PXDNL: variants seen among roughly 807,000 people sequenced by gnomAD.
The protein encoded by PXDNL is peroxidasin like.
A neutral mutation model predicts 150.8 loss-of-function variants in PXDNL; 145 were observed. The observed-to-expected ratio is 0.96, with a 90% CI of 0.84 to 1.10. PXDNL has a LOEUF of 1.10. Among genes scored for constraint, PXDNL ranks in the 50% least tolerant of loss-of-function variants. The probability of loss-of-function intolerance (pLI) is 0.00; values close to 1 mark genes in which losing one functional copy is unlikely to be tolerated. For missense variants in PXDNL, 2,087 were observed against 1,873.9 expected, an observed-to-expected ratio of 1.11 and a Z score of -2.10; for synonymous variants, 757 against 725.7, an observed-to-expected ratio of 1.04 and a Z score of -0.69.
At chr8:51,578,348 A>G (rs1368462208) in intron 3 of PXDNL, among the ~76,000 whole-genome samples, 1 of 151,928 alleles carries the variant, frequency 6.6e-6, no homozygotes, top group Non-Finnish European at 1.5e-5. Context: ...AAATGTCAAC[A>G]CTGAAATTAT....
chr8:51,409,584 C>G lies in PXDNL; in HGVS notation c.2063-23G>C, dbSNP rs1306705134. 7 of 1,523,750 alleles carry G rather than the reference C, an allele frequency of 4.6e-6. No homozygotes were observed. In the South Asian group the frequency reaches 5.0e-5, roughly 11 times the overall value. 94.4% of individuals were successfully genotyped at this position (1,523,750 alleles called of 1,614,324 possible). A position where few individuals can be genotyped will look rare whatever the true frequency, so the allele number is the denominator to read the frequency against. ...ATTCTGAAAGGCAAGCGGCGAAAGC[C>G]GTGAGGAGGGCGGGCCTGGGAGGGC... On this transcript the variant is annotated intron_variant, in intron 16 of 22. Coordinates refer to ENST00000356297, the MANE Select transcript of PXDNL (RefSeq NM_144651.5).
chr8:51,540,292 T>C (rs968901993), intron 4 of PXDNL, among the ~76,000 whole-genome samples: 1 of 152,174 alleles, frequency 6.6e-6, no homozygotes, highest in Non-Finnish European at 1.5e-5. Context: ...CCATTTTTTG[T>C]CCTGATTCTT....
chr8:51,457,724 TAAC>T, intron 8 of PXDNL, 57 bp from the exon 9 acceptor site: 1 of 1,382,138 alleles, frequency 7.2e-7, no homozygotes, highest in East Asian at 2.3e-5. Flanking sequence ...TTAAAACTCT[TAAC>T]AAGACTGAGA....
At chr8:51,555,101 A>T (rs76512263) in intron 4 of PXDNL, among the ~76,000 whole-genome samples, 3,425 of 152,266 alleles carry the variant, frequency 0.022, 60 homozygotes, top group African/African-American at 0.048. Context: ...TTCATAATGA[A>T]CAGAAATTCG....
At chr8:51,430,214 G>A (rs895105386) in intron 12 of PXDNL, among the ~76,000 whole-genome samples, 3 of 152,174 alleles carry the variant, frequency 2.0e-5, no homozygotes, top group Admixed American at 1.3e-4. Context: ...CTATGCCCTT[G>A]CATCTCCTCA....
intron 1 of PXDNL, among the ~76,000 whole-genome samples, chr8:51,722,846 G>A (rs1293743509): frequency 1.3e-5 from 2 of 151,966 alleles, no homozygotes. Flanking sequence ...TTCTATTTTA[G>A]GGAGCAAAAA....
At chr8:51,625,946 A>G (rs1814353360) in intron 2 of PXDNL, among the ~76,000 whole-genome samples, 1 of 152,206 alleles carries the variant, frequency 6.6e-6, no homozygotes, top group African/African-American at 2.4e-5. Flanking sequence ...AGCCTTCTCA[A>G]AATAATGAGC....
intron 12 of PXDNL, among the ~76,000 whole-genome samples, chr8:51,445,393 T>C (rs1809651806): frequency 6.6e-6 from 1 of 152,222 alleles, no homozygotes; most frequent in South Asian, 2.1e-4. Context: ...TAGGGCTCTT[T>C]GTTCTCTAAA....
In PXDNL at chr8:51,483,691, G is replaced by T. The variant is rs1810657302; in HGVS notation, c.476C>A (p.Ser159Tyr). Reference protein sequence around the residue: ...ERLFLHNNKLSKIPAGSFSNL... With the variant: ...ERLFLHNNKLYKIPAGSFSNL... ...AGAAAAGCTCCCAGCTGGAATTTTA[G>T]ATAATTTGTTGTTATGCAAAAATCT... Residue 159 changes from serine to tyrosine, a missense_variant, in exon 6 of 23, where the codon TCT becomes TAT. Ser to Tyr is a moderately radical substitution (Grantham distance 144, BLOSUM62 -2). Transcript: ENST00000356297. The T allele has an allele frequency of 1.3e-6, 2 of 1,514,652 alleles. No individual in the cohort carries two copies. The highest frequency in any genetic ancestry group is 4.9e-5 in the East Asian group (2 of 40,630). 93.8% of individuals were successfully genotyped at this position (1,514,652 alleles called of 1,614,324 possible). A position where few individuals can be genotyped will look rare whatever the true frequency, so the allele number is the denominator to read the frequency against.
chr8:51,757,584 C>T (rs1411846237), intron 1 of PXDNL, among the ~76,000 whole-genome samples: 1 of 152,108 alleles, frequency 6.6e-6, no homozygotes, highest in African/African-American at 2.4e-5. Flanking sequence ...TGGGATATGA[C>T]GAGAAAAATT....
intron 1 of PXDNL, among the ~76,000 whole-genome samples, chr8:51,807,214 T>G (rs1563326959): frequency 6.6e-6 from 1 of 152,180 alleles, no homozygotes; most frequent in Non-Finnish European, 1.5e-5. Context: ...ACAGCAACTT[T>G]TGCTTGGCTT....
At chr8:51,468,060 T>C (rs1019024877) in intron 8 of PXDNL, among the ~76,000 whole-genome samples, 4 of 152,060 alleles carry the variant, frequency 2.6e-5, no homozygotes, top group Admixed American at 2.6e-4. Context: ...TTCTTGGCTA[T>C]GAGTTGAGAT....
intron 17 of PXDNL, among the ~76,000 whole-genome samples, chr8:51,386,368 G>A (rs1807711915): frequency 6.6e-6 from 1 of 152,128 alleles, no homozygotes; most frequent in African/African-American, 2.4e-5. Context: ...TGGGATTACA[G>A]GCGTGAGCCA....
chr8:51,371,897 G>T lies in PXDNL; in HGVS notation c.3877C>A (p.Arg1293=), dbSNP rs375916936. 9 of 1,613,760 alleles carry T rather than the reference G, an allele frequency of 5.6e-6. No individual in the cohort carries two copies. The highest frequency in any genetic ancestry group is 1.1e-5 in the South Asian group (1 of 91,036). Residue 1293 remains arginine, a synonymous_variant, in exon 19 of 23, where the codon CGA becomes AGA. Coordinates refer to ENST00000356297, the MANE Select transcript of PXDNL (RefSeq NM_144651.5). ...CCTGCACAGCAGTCTTGCCACACTC[G>T]CAGGTCCACCTTCGGGATCTCGCTG... ...NCSEIPKVDL[R]VWQDCCADCR...
At chr8:51,432,929 CAGGCGCAGTGGCTCATGCCTGTAA>C (rs11276635) in intron 12 of PXDNL, among the ~76,000 whole-genome samples, 24,071 of 152,038 alleles carry the variant, frequency 0.16, 2,033 homozygotes, top group Middle Eastern at 0.25. Flanking sequence ...ATATTTCGGC[CAGGCGCAGTGGCTCATGCCTGTAA>C]TCCCAGCACT....
At chr8:51,401,830 C>A (rs1345300067) in intron 17 of PXDNL, among the ~76,000 whole-genome samples, 3 of 152,116 alleles carry the variant, frequency 2.0e-5, no homozygotes, top group Non-Finnish European at 4.4e-5. Context: ...ATGAAATGGT[C>A]AACAATCACT....
At chr8:51,557,453 G>T (rs1812622894) in intron 3 of PXDNL, among the ~76,000 whole-genome samples, 1 of 152,108 alleles carries the variant, frequency 6.6e-6, no homozygotes, top group Non-Finnish European at 1.5e-5. Flanking sequence ...AGGGTTTAAA[G>T]AAAACAATTT....
intron 1 of PXDNL, among the ~76,000 whole-genome samples, chr8:51,725,738 A>T (rs1015265143): frequency 6.6e-6 from 1 of 152,238 alleles, no homozygotes; most frequent in African/African-American, 2.4e-5. Flanking sequence ...GATTGGGGAT[A>T]GAACCCAGTT....
intron 4 of PXDNL, among the ~76,000 whole-genome samples, chr8:51,543,710 C>CAAAAAAAAAAAAAAAAAAAAA (rs572642373): frequency 1.7e-5 from 1 of 60,440 alleles, no homozygotes; most frequent in Non-Finnish European, 3.8e-5. Flanking sequence ...GACTCCATAT[C>CAAAAAAAAAAAAAAAAAAAAA]AAAAAAAAAA....
Sources: gnomAD v4.1 joint callset for allele counts (sites outside exome capture counted in the v4.1 genomes callset) on GRCh38, gnomAD v4.1.1 for gene constraint, MANE v1.5 for transcripts, NCBI Gene and HGNC (gene_info 2026-07-23, HGNC 2026-07-21) for gene names.